The following PLXNC1 variants were observed in gnomAD, a reference collection of about 807,000 sequenced individuals.
PLXNC1 encodes the protein plexin C1, also known as plexin-C1.
In PLXNC1, 75 loss-of-function variants were observed where a neutral mutation model predicts 178.2. That is an observed-to-expected ratio of 0.42 (90% CI 0.35 to 0.51). The LOEUF (loss-of-function observed/expected upper bound fraction) is 0.51. Among genes scored for constraint, PLXNC1 ranks in the 20% least tolerant of loss-of-function variants. The pLI, the probability that PLXNC1 is intolerant of heterozygous loss-of-function variation, is 0.02. For missense variants in PLXNC1, 1,503 were observed against 1,984.4 expected (o/e 0.76, Z 4.61); for synonymous variants, 790 against 779.9 (o/e 1.01, Z -0.22).
At chr12:94,194,057 G>A (rs1047414817) in intron 4 of PLXNC1, among the ~76,000 whole-genome samples, 25 of 152,236 alleles carry the variant, frequency 1.6e-4, no homozygotes, top group African/African-American at 6.0e-4. Context: ...AGCTTCTGGG[G>A]AGGCCTCAGG....
intron 1 of PLXNC1, among the ~76,000 whole-genome samples, chr12:94,152,185 T>C (rs2135915699): frequency 6.6e-6 from 1 of 152,310 alleles, no homozygotes; most frequent in South Asian, 2.1e-4. Flanking sequence ...CTTGGAGCTT[T>C]GCATTTTTTT....
chr12:94,252,687 G>C (rs577512228), intron 15 of PLXNC1, among the ~76,000 whole-genome samples: 1 of 152,294 alleles, frequency 6.6e-6, no homozygotes, highest in African/African-American at 2.4e-5. Context: ...AATTTCCATA[G>C]CATCAGTTTA....
intron 5 of PLXNC1, 108 bp from the exon 6 acceptor site, chr12:94,219,908 G>A: frequency 1.1e-6 from 1 of 898,462 alleles, no homozygotes. Flanking sequence ...GCTCTTCTGA[G>A]AAATTCTCCC....
intron 2 of PLXNC1, among the ~76,000 whole-genome samples, chr12:94,172,995 T>G (rs1961903007): frequency 6.6e-6 from 1 of 152,176 alleles, no homozygotes; most frequent in Non-Finnish European, 1.5e-5. Context: ...TCTAATCTGC[T>G]CTTTTATTTT....
intron 23 of PLXNC1, among the ~76,000 whole-genome samples, chr12:94,287,269 C>T (rs1470500361): frequency 1.3e-5 from 2 of 152,190 alleles, no homozygotes; most frequent in Non-Finnish European, 1.5e-5. Flanking sequence ...CCTCCCGGTG[C>T]GCTTCCTTAA....
At chr12:94,224,856 G>A (rs1018441271) in intron 7 of PLXNC1, among the ~76,000 whole-genome samples, 3 of 152,152 alleles carry the variant, frequency 2.0e-5, no homozygotes, top group Non-Finnish European at 2.9e-5. Context: ...GCAGTGAGCC[G>A]GGATGGCGCC....
intron 10 of PLXNC1, among the ~76,000 whole-genome samples, chr12:94,239,916 T>C (rs1484976666): frequency 6.6e-6 from 1 of 152,206 alleles, no homozygotes; most frequent in Non-Finnish European, 1.5e-5. Flanking sequence ...AGGGCTTTTT[T>C]TCTTAAGCTT....
At chr12:94,230,126 G>A (rs1964057958) in intron 9 of PLXNC1, among the ~76,000 whole-genome samples, 1 of 151,966 alleles carries the variant, frequency 6.6e-6, no homozygotes, top group South Asian at 2.1e-4. Context: ...TCTGATGCCT[G>A]GCAACCACTG....
intron 7 of PLXNC1, among the ~76,000 whole-genome samples, chr12:94,225,465 A>G (rs779837224): frequency 1.3e-5 from 2 of 152,260 alleles, no homozygotes; most frequent in Admixed American, 6.5e-5. Context: ...ATTATTGCTA[A>G]GAAACAGAAT....
At chr12:94,212,389 A>C (rs1415479576) in intron 5 of PLXNC1, among the ~76,000 whole-genome samples, 1 of 151,928 alleles carries the variant, frequency 6.6e-6, no homozygotes, top group East Asian at 1.9e-4. Flanking sequence ...GTTTTGTTAC[A>C]TAGGTATACA....
chr12:94,234,355 T>C, intron 9 of PLXNC1, among the ~76,000 whole-genome samples: 1 of 152,232 alleles, frequency 6.6e-6, no homozygotes, highest in South Asian at 2.1e-4. Context: ...TCTTAGTGGT[T>C]GTGCTATTTC....
At chr12:94,218,121 C>T (rs1000812578) in intron 5 of PLXNC1, among the ~76,000 whole-genome samples, 5 of 152,082 alleles carry the variant, frequency 3.3e-5, no homozygotes, top group African/African-American at 9.7e-5. Context: ...ATAAATGCTG[C>T]GTTGAAGATT....
At chr12:94,247,815 G>A (rs1456976762) in intron 12 of PLXNC1, 88 bp from the exon 13 acceptor site, 3 of 1,181,228 alleles carry the variant, frequency 2.5e-6, no homozygotes, top group South Asian at 1.4e-5. Flanking sequence ...GCACCAAGAA[G>A]TTAAGTTGCT....
At chr12:94,215,595 AAAAATAATTTAATCC>A (rs1963624188) in intron 5 of PLXNC1, among the ~76,000 whole-genome samples, 1 of 110,764 alleles carries the variant, frequency 9.0e-6, no homozygotes, top group African/African-American at 2.9e-5. Context: ...GATAGATATC[AAAAATAATTTAATCC>A]ATGATTCTGG....
Position 94,255,314 on chromosome 12 carries a change from A to G in PLXNC1, c.3087+18A>G, listed in dbSNP as rs1964809189. 2.7e-6 allele frequency: 4 copies of G among 1,504,032 alleles called. No individual in the cohort carries two copies. Among genetic ancestry groups the G allele is most frequent in the Non-Finnish European group, 3.7e-6 (4 of 1,079,536 alleles). 93.2% of individuals were successfully genotyped at this position (1,504,032 alleles called of 1,614,324 possible). ...TCCCTGAGGTAAAAGAGCATTGATC[A>G]TATTCCGAAGGTTGAGTCTTGAATA... On this transcript the variant is annotated intron_variant, in intron 17 of 30. Coordinates refer to ENST00000258526, the MANE Select transcript of PLXNC1 (RefSeq NM_005761.3).
chr12:94,281,236 G>A (rs1206852113), intron 22 of PLXNC1, among the ~76,000 whole-genome samples: 12 of 152,114 alleles, frequency 7.9e-5, no homozygotes, highest in East Asian at 1.9e-4. Flanking sequence ...CCCAGATTGC[G>A]CCACTGTACT....
chr12:94,167,773 C>G (rs1961673833), intron 1 of PLXNC1, among the ~76,000 whole-genome samples: 3 of 152,132 alleles, frequency 2.0e-5, no homozygotes, highest in African/African-American at 7.2e-5. Context: ...TGAGCTTTCC[C>G]TAAATCTTCT....
chr12:94,182,632 C>G (rs1264942227), intron 3 of PLXNC1, among the ~76,000 whole-genome samples: 1 of 150,656 alleles, frequency 6.6e-6, no homozygotes. Flanking sequence ...GGCTGAAGAA[C>G]AAGAATCGCT....
chr12:94,161,943 T>C (rs989035533), intron 1 of PLXNC1, among the ~76,000 whole-genome samples: 1 of 152,272 alleles, frequency 6.6e-6, no homozygotes, highest in African/African-American at 2.4e-5. Context: ...TTGACCCATG[T>C]ATTTATTTAT....
Sources: gnomAD v4.1 joint callset for allele counts (sites outside exome capture counted in the v4.1 genomes callset) on GRCh38, gnomAD v4.1.1 for gene constraint, MANE v1.5 for transcripts, NCBI Gene and HGNC (gene_info 2026-07-23, HGNC 2026-07-21) for gene names.